The following CYP26B1 variants were observed in gnomAD, a reference collection of about 807,000 sequenced individuals.
CYP26B1 encodes the protein cytochrome P450 family 26 subfamily B member 1.
Under a neutral mutation model 39.1 loss-of-function variants are expected in CYP26B1, and 8 were observed. The ratio of observed to expected loss-of-function variants is 0.20; its 90% confidence interval spans 0.12 to 0.37. The LOEUF is 0.37. CYP26B1 is among the 10% of genes least tolerant of loss of function. The pLI, the probability that CYP26B1 is intolerant of heterozygous loss-of-function variation, is 1.00. For synonymous variants in CYP26B1, 321 were observed against 314.3 expected (o/e 1.02, Z -0.23); for missense variants, 615 against 707.0 (o/e 0.87, Z 1.48).
chr2:72,144,909 G>C (rs1273501647), intron 1 of CYP26B1, among the ~76,000 whole-genome samples: 1 of 152,214 alleles, frequency 6.6e-6, no homozygotes, highest in South Asian at 2.1e-4. Context: ...CCAGATCCCC[G>C]GTGGTGGCGG....
At chr2:72,145,386 G>T (rs1458172702) in intron 1 of CYP26B1, among the ~76,000 whole-genome samples, 2 of 152,216 alleles carry the variant, frequency 1.3e-5, no homozygotes, top group Non-Finnish European at 2.9e-5. Flanking sequence ...GACGGGGAAC[G>T]AGCTGGGAGC....
intron 5 of CYP26B1, 69 bp downstream of exon 5, chr2:72,132,954 G>A (rs1167955606): frequency 9.4e-6 from 15 of 1,602,802 alleles, no homozygotes; most frequent in South Asian, 2.2e-5. Context: ...GGAGGCTGGT[G>A]CCCCGCCTTG....
Position 72,133,147 on chromosome 2 carries a change from C to T in CYP26B1, c.1022G>A (p.Gly341Asp). 1 of 1,612,408 alleles carries T rather than the reference C, an allele frequency of 6.2e-7. No individual in the cohort carries two copies. The highest frequency in any genetic ancestry group is 8.5e-7 in the Non-Finnish European group (1 of 1,179,558). ...ILHSGGCPCEGTLRLDTLSGL... is the reference protein window; with the variant it reads ...ILHSGGCPCEDTLRLDTLSGL... ...ACTGAGCGTGTCCAGGCGCAGTGTG[C>T]CCTCGCAGGGGCAGCCGCCACTGTG... The change falls in exon 5 of 6, where the codon GGC (glycine) becomes GAC (aspartate). Residue 341 changes from glycine (G) to aspartate (D), a missense_variant. Transcript: ENST00000001146.
chr2:72,134,663 C>T, intron 4 of CYP26B1, 98 bp downstream of exon 4: 1 of 1,528,330 alleles, frequency 6.5e-7, no homozygotes, highest in Non-Finnish European at 8.8e-7. Context: ...GGCCAGACTA[C>T]AGGGGGTAGA....
chr2:72,137,654 A>G (rs1459525131), intron 2 of CYP26B1, among the ~76,000 whole-genome samples: 1 of 152,084 alleles, frequency 6.6e-6, no homozygotes, highest in African/African-American at 2.4e-5. Context: ...CCCTCTAGCG[A>G]TGGCTGGTTG....
At position 72,144,206 on chromosome 2, in the gene CYP26B1, C is replaced by T. The variant is rs1273653112; in HGVS notation, c.212G>A (p.Gly71Asp). The change falls in exon 2 of 6, where the codon GGC (glycine) becomes GAC (aspartate). Residue 71 changes from glycine (G) to aspartate (D), a missense_variant. Coordinates refer to ENST00000001146, the MANE Select transcript of CYP26B1 (RefSeq NM_019885.4). ...CTTCTCCCTCCGCGACGACTGGAAG[C>T]CAGAACCCTGCGGGAGCCACACCCG... ...ETGHWLLQGS[G>D]FQSSRREKYG... 6.3e-7 allele frequency: 1 copy of T among 1,589,564 alleles called. No homozygotes were observed. Among genetic ancestry groups the T allele is most frequent in the Non-Finnish European group, 8.6e-7 (1 of 1,162,546 alleles).
At chr2:72,142,407 G>A (rs1351552239) in intron 2 of CYP26B1, among the ~76,000 whole-genome samples, 1 of 152,178 alleles carries the variant, frequency 6.6e-6, no homozygotes, top group Non-Finnish European at 1.5e-5. Flanking sequence ...TCTCCTCCGG[G>A]GCCCAGAGAC....
Position 72,135,153 on chromosome 2 carries a change from G to A in CYP26B1, c.696C>T (p.Gly232=), listed in dbSNP as rs1366781413. 11 of 1,613,772 alleles carry A rather than the reference G, an allele frequency of 6.8e-6. No individual in the cohort carries two copies. In the South Asian group the frequency reaches 9.9e-5, roughly 14 times the overall value. The change falls in exon 3 of 6, where the codon GGC becomes GGT. Residue 232 remains glycine (G), a synonymous_variant. Coordinates refer to ENST00000001146, the MANE Select transcript of CYP26B1 (RefSeq NM_019885.4). ...FSLPVDLPFS[G]YRRGIQARQI... ...GGCCCTGGGTGCTCACCCGCCGGTA[G>A]CCACTGAAGGGCAGGTCGACAGGCA...
At chr2:72,143,168 C>G (rs1011948946) in intron 2 of CYP26B1, 24 of 158,970 alleles carry the variant, frequency 1.5e-4, no homozygotes, top group Non-Finnish European at 3.1e-4. Flanking sequence ...TGGGAGAGGT[C>G]GCGCAGCCTC....
intron 2 of CYP26B1, among the ~76,000 whole-genome samples, chr2:72,140,615 C>T (rs1014580056): frequency 6.6e-6 from 1 of 152,206 alleles, no homozygotes; most frequent in African/African-American, 2.4e-5. Flanking sequence ...GTGGGCTAGC[C>T]TTCCCCGGGA....
At position 72,147,548 on chromosome 2, in the gene CYP26B1, C is replaced by A. The variant is rs936296658; in HGVS notation, c.204+83G>T. 2.9e-6 allele frequency: 4 copies of A among 1,387,822 alleles called. No individual in the cohort carries two copies. The Admixed American group carries it at 7.3e-5, about 25-fold the overall frequency. 86.0% of individuals were successfully genotyped at this position (1,387,822 alleles called of 1,614,324 possible). ...GACCAGTGCCTTCAGGCTCCCGGCG[C>A]CCCCTGGCCGGCCCGCCGCTCCGTC... On this transcript the variant is annotated intron_variant, in intron 1 of 5. Coordinates refer to ENST00000001146, the MANE Select transcript of CYP26B1 (RefSeq NM_019885.4). This position sits in a 1 kb window ranked among gnomAD's most constrained non-coding sequence, Gnocchi z 6.1.
chr2:72,144,730 C>A (rs924754195), intron 1 of CYP26B1, among the ~76,000 whole-genome samples: 7 of 152,234 alleles, frequency 4.6e-5, no homozygotes, highest in African/African-American at 1.7e-4. Context: ...GCGCAGGGAC[C>A]CGGCGGCCCT....
intron 2 of CYP26B1, among the ~76,000 whole-genome samples, chr2:72,141,538 C>T (rs545611442): frequency 1.3e-5 from 2 of 152,334 alleles, no homozygotes; most frequent in East Asian, 1.9e-4. Context: ...ACTTCCTGCA[C>T]GTACCTCCTA....
At chr2:72,146,497 G>C (rs1345938838) in intron 1 of CYP26B1, among the ~76,000 whole-genome samples, 1 of 152,172 alleles carries the variant, frequency 6.6e-6, no homozygotes, top group Non-Finnish European at 1.5e-5. Context: ...CCCCGCCCCC[G>C]CTCCGCTGTC....
intron 2 of CYP26B1, among the ~76,000 whole-genome samples, chr2:72,138,169 C>T (rs369293157): frequency 0.014 from 2,118 of 152,182 alleles, 53 homozygotes; most frequent in African/African-American, 0.048. Flanking sequence ...AGGTCCATGC[C>T]CCTGCCTCTT....
At chr2:72,139,199 G>T (rs961841305) in intron 2 of CYP26B1, among the ~76,000 whole-genome samples, 2 of 152,274 alleles carry the variant, frequency 1.3e-5, no homozygotes, top group Admixed American at 6.5e-5. Flanking sequence ...AGGGGTGGGG[G>T]CCTGGGCAGG....
chr2:72,141,958 G>A (rs2104084390), intron 2 of CYP26B1, among the ~76,000 whole-genome samples: 1 of 152,256 alleles, frequency 6.6e-6, no homozygotes, highest in South Asian at 2.1e-4. Flanking sequence ...TCAGGCCTCT[G>A]GCAGGATGAA....
At position 72,135,770 on chromosome 2, in the gene CYP26B1, G is replaced by T. The variant is rs1440029857; in HGVS notation, c.430-351C>A. ...CATCGAGGGAAAGCTACTCCATGGG[G>T]TACAGCAAGAGAGCCTGAGACTAGA... On this transcript the variant is annotated intron_variant, in intron 2 of 5. Transcript: ENST00000001146. Among the ~76,000 whole-genome samples the T allele has an allele frequency of 6.6e-5, 10 of 152,290 alleles. No homozygotes were observed. The East Asian group carries it at 1.7e-3, about 26-fold the overall frequency.
At chr2:72,146,639 G>T (rs1677131081) in intron 1 of CYP26B1, among the ~76,000 whole-genome samples, 1 of 152,228 alleles carries the variant, frequency 6.6e-6, no homozygotes, top group South Asian at 2.1e-4. Context: ...CACCTCTCTA[G>T]TGCGGGGATT....
Sources: allele counts gnomAD v4.1 joint callset (sites outside exome capture counted in the v4.1 genomes callset), GRCh38; gene constraint gnomAD v4.1.1; non-coding constraint Gnocchi (gnomAD v3.1); transcripts MANE v1.5; gene names NCBI Gene and HGNC (gene_info 2026-07-23, HGNC 2026-07-21).